The following KCNH1 variants were observed in gnomAD, a reference collection of about 807,000 sequenced individuals.
KCNH1 encodes voltage-gated delayed rectifier potassium channel KCNH1.
Under a neutral mutation model 69.2 loss-of-function variants are expected in KCNH1, and 27 were observed. The observed-to-expected ratio is 0.39, with a 90% CI of 0.29 to 0.54. The LOEUF is 0.54. Among genes scored for constraint, KCNH1 ranks in the 20% least tolerant of loss-of-function variants. The pLI, the probability that KCNH1 is intolerant of heterozygous loss-of-function variation, is 0.68. For synonymous variants in KCNH1, 456 were observed against 487.7 expected (o/e 0.93, Z 0.86); for missense variants, 798 against 1,261.6 (o/e 0.63, Z 5.57).
At chr1:210,815,907 C>T (rs1436965198) in intron 7 of KCNH1, among the ~76,000 whole-genome samples, 1 of 152,320 alleles carries the variant, frequency 6.6e-6, no homozygotes, top group Non-Finnish European at 1.5e-5. Context: ...CACTTCCTCC[C>T]CTGCCTTTTT....
At chr1:211,045,376 C>T in intron 5 of KCNH1, among the ~76,000 whole-genome samples, 1 of 151,664 alleles carries the variant, frequency 6.6e-6, no homozygotes, top group East Asian at 1.9e-4. Context: ...AGAACTGACT[C>T]ATGAAACCAA....
intron 6 of KCNH1, among the ~76,000 whole-genome samples, chr1:210,959,434 AC>A (rs1216911084): frequency 6.6e-6 from 1 of 152,162 alleles, no homozygotes; most frequent in Non-Finnish European, 1.5e-5. Context: ...TGCTGGGAGA[AC>A]CACTGCTCTC....
chr1:210,969,047 C>T (rs1688464526), intron 6 of KCNH1, among the ~76,000 whole-genome samples: 1 of 152,018 alleles, frequency 6.6e-6, no homozygotes, highest in African/African-American at 2.4e-5. Context: ...TTCCTTTCAT[C>T]TGTTAATGTA....
chr1:210,701,082 C>T (rs921631944), intron 10 of KCNH1, among the ~76,000 whole-genome samples: 5 of 152,204 alleles, frequency 3.3e-5, no homozygotes, highest in South Asian at 4.1e-4. Flanking sequence ...GGACTACAGG[C>T]GCCCGCCACC....
At chr1:211,056,990 G>A (rs571005625) in intron 5 of KCNH1, among the ~76,000 whole-genome samples, 5 of 152,152 alleles carry the variant, frequency 3.3e-5, no homozygotes, top group Admixed American at 6.5e-5. Flanking sequence ...CACCAGTATC[G>A]AGACCATCCA....
intron 6 of KCNH1, among the ~76,000 whole-genome samples, chr1:210,987,033 T>G (rs1235610926): frequency 6.6e-6 from 1 of 152,200 alleles, no homozygotes; most frequent in Non-Finnish European, 1.5e-5. Context: ...TTTCATTCAT[T>G]TCATCTTCCA....
intron 7 of KCNH1, among the ~76,000 whole-genome samples, chr1:210,910,535 G>A (rs1056883605): frequency 6.6e-6 from 1 of 152,240 alleles, no homozygotes; most frequent in African/African-American, 2.4e-5. Flanking sequence ...CCAGGTCCCT[G>A]CACCAGTGCC....
chr1:211,057,104 C>T (rs1690325560), intron 5 of KCNH1, among the ~76,000 whole-genome samples: 2 of 152,134 alleles, frequency 1.3e-5, no homozygotes. Context: ...AAAATACCTA[C>T]TGAGGAAACT....
intron 7 of KCNH1, among the ~76,000 whole-genome samples, chr1:210,902,016 G>C (rs1687006247): frequency 6.6e-6 from 1 of 152,136 alleles, no homozygotes; most frequent in African/African-American, 2.4e-5. Context: ...GCCTCACTAA[G>C]GATGCTGGGC....
intron 7 of KCNH1, among the ~76,000 whole-genome samples, chr1:210,880,850 CAATA>C (rs1427919573): frequency 2.0e-5 from 3 of 151,706 alleles, no homozygotes; most frequent in South Asian, 2.1e-4. Flanking sequence ...CTGTTTCCCG[CAATA>C]AATAAAGAAC....
At chr1:211,107,208 G>T in intron 2 of KCNH1, 46 bp downstream of exon 2, 6 of 1,602,474 alleles carry the variant, frequency 3.7e-6, no homozygotes, top group Non-Finnish European at 5.1e-6. Flanking sequence ...TTTTCCAAAA[G>T]ATACCATAAT....
At chr1:210,771,051 T>C (rs1160772785) in intron 10 of KCNH1, among the ~76,000 whole-genome samples, 1 of 152,262 alleles carries the variant, frequency 6.6e-6, no homozygotes, top group African/African-American at 2.4e-5. Context: ...ATACACGTAC[T>C]GATACTGTGA....
intron 10 of KCNH1, among the ~76,000 whole-genome samples, chr1:210,726,988 TCA>T (rs1172300643): frequency 6.6e-6 from 1 of 152,152 alleles, no homozygotes; most frequent in Non-Finnish European, 1.5e-5. Context: ...CATCCCTTTG[TCA>T]CCACTCTCAG....
At chr1:210,828,631 A>C (rs1685086870) in intron 7 of KCNH1, among the ~76,000 whole-genome samples, 1 of 152,186 alleles carries the variant, frequency 6.6e-6, no homozygotes, top group Non-Finnish European at 1.5e-5. Flanking sequence ...CCAAGGACAA[A>C]AAGCCATAAT....
At chr1:210,800,760 C>T (rs1684412495) in intron 8 of KCNH1, among the ~76,000 whole-genome samples, 1 of 152,104 alleles carries the variant, frequency 6.6e-6, no homozygotes. Flanking sequence ...GAGAAGAGAC[C>T]ATCCTTGCTC....
rs1479562723 is a variant in KCNH1, at chr1:210,678,404, A to C, written c.*4877T>G. The stretch of plus-strand genomic sequence containing the variant: ...CTTGTTTAAAAATGTTGAGAAGGGA[A>C]TATCATCAATGGAAGGGCCTGCACG... On this transcript the variant is annotated 3_prime_UTR_variant, in exon 11 of 11. Transcript: ENST00000271751. 1.3e-5 allele frequency: 2 copies of C among 152,216 alleles called. No homozygotes were observed. The highest frequency in any genetic ancestry group is 1.9e-4 in the East Asian group (1 of 5,200). The allele number at this position is 152,216 out of a possible 1,614,324, so 9.4% of individuals were successfully genotyped here.
intron 2 of KCNH1, among the ~76,000 whole-genome samples, chr1:211,106,206 A>C (rs1453090752): frequency 6.6e-6 from 1 of 152,236 alleles, no homozygotes; most frequent in Non-Finnish European, 1.5e-5. Flanking sequence ...GAAGGCAGAG[A>C]CTGAGAGGAG....
rs576170682 is a variant in KCNH1 at position 210,816,063 on chromosome 1, C to T, written c.1463-11897G>A. ...TTAATCAGACTCTGCAAGCGGCGAG[C>T]GATTAACCTGCATTTCGGTTACACC... On this transcript the variant is annotated intron_variant, in intron 7 of 10. Coordinates refer to ENST00000271751, the MANE Select transcript of KCNH1 (RefSeq NM_172362.3). 1.8e-4 allele frequency among the ~76,000 whole-genome samples: 27 copies of T among 152,286 alleles called. No homozygotes were observed. In the East Asian group the frequency reaches 4.6e-3, roughly 26 times the overall value.
Position 211,019,054 on chromosome 1 carries a change from TCAACAACCAG to T in KCNH1, c.751_760del (p.Leu251IlefsTer27), listed in dbSNP as rs1469089068. On this transcript the variant is annotated frameshift_variant, in exon 6 of 11. Transcript: ENST00000271751. LOFTEE classifies it high-confidence loss of function. ...CAAAAAGATAACATCCACGATGCTA[TCAACAACCAG>T]CCAGGCCACATTATTCTGCCTGGTT... is the stretch of plus-strand genomic sequence containing the variant. 1.2e-6 allele frequency: 2 copies of T among 1,613,894 alleles called. No individual in the cohort carries two copies. Among genetic ancestry groups the T allele is most frequent in the Non-Finnish European group, 1.7e-6 (2 of 1,179,972 alleles).
Sources: allele counts gnomAD v4.1 joint callset (sites outside exome capture counted in the v4.1 genomes callset), GRCh38; gene constraint gnomAD v4.1.1; transcripts MANE v1.5; gene names NCBI Gene and HGNC (gene_info 2026-07-23, HGNC 2026-07-21).